Variants in SYT1 observed in about 807,000 individuals in gnomAD.
The protein encoded by SYT1 is synaptotagmin 1.
In SYT1, 8 loss-of-function variants were observed where a neutral mutation model predicts 44.8. The observed-to-expected ratio is 0.18, with a 90% CI of 0.10 to 0.32. The LOEUF is 0.32. Among genes scored for constraint, SYT1 ranks in the 10% least tolerant of loss-of-function variants. SYT1 has a pLI of 1.00. For synonymous variants in SYT1, 154 were observed against 188.8 expected, an observed-to-expected ratio of 0.82 and a Z score of 1.51; for missense variants, 286 against 509.3, an observed-to-expected ratio of 0.56 and a Z score of 4.22.
At chr12:79,216,572 G>A (rs1874819054) in intron 3 of SYT1, among the ~76,000 whole-genome samples, 1 of 152,134 alleles carries the variant, frequency 6.6e-6, no homozygotes, top group Non-Finnish European at 1.5e-5. Context: ...TTCAGAAGGT[G>A]GATAAATTAG....
chr12:78,998,549 T>C (rs1358471586), intron 2 of SYT1, among the ~76,000 whole-genome samples: 1 of 152,176 alleles, frequency 6.6e-6, no homozygotes, highest in Non-Finnish European at 1.5e-5. Context: ...GCTGAAAGGA[T>C]ATTAAATCAT....
chr12:79,080,747 A>G (rs1461070528), intron 3 of SYT1, among the ~76,000 whole-genome samples: 1 of 152,198 alleles, frequency 6.6e-6, no homozygotes, highest in Non-Finnish European at 1.5e-5. Flanking sequence ...CCAAGTCCAC[A>G]AGCCATCTAC....
At chr12:79,137,555 T>G (rs1869280744) in intron 3 of SYT1, among the ~76,000 whole-genome samples, 1 of 152,208 alleles carries the variant, frequency 6.6e-6, no homozygotes, top group Non-Finnish European at 1.5e-5. Flanking sequence ...CAAATGATTT[T>G]CTAAAACCAA....
chr12:79,153,852 A>G (rs1870428051), intron 3 of SYT1, among the ~76,000 whole-genome samples: 1 of 152,144 alleles, frequency 6.6e-6, no homozygotes, highest in Non-Finnish European at 1.5e-5. Context: ...AATAAAATCA[A>G]GTTGAATGTT....
At chr12:79,233,352 A>G (rs978393145) in intron 4 of SYT1, among the ~76,000 whole-genome samples, 2 of 152,266 alleles carry the variant, frequency 1.3e-5, no homozygotes, top group African/African-American at 4.8e-5. Flanking sequence ...TCACTGAGAC[A>G]GTTCAAAAGA....
intron 1 of SYT1, among the ~76,000 whole-genome samples, chr12:78,962,382 G>A (rs1050789734): frequency 7.5e-6 from 1 of 133,826 alleles, no homozygotes; most frequent in African/African-American, 2.9e-5. Context: ...GCATCACTTC[G>A]TGGGTCACGT....
intron 3 of SYT1, among the ~76,000 whole-genome samples, chr12:79,089,245 G>C (rs948448517): frequency 6.6e-6 from 1 of 151,918 alleles, no homozygotes. Context: ...AAACAATCAG[G>C]GTTTAGAAGG....
chr12:79,403,530 A>G (rs552053362), intron 9 of SYT1, among the ~76,000 whole-genome samples: 3 of 152,288 alleles, frequency 2.0e-5, no homozygotes, highest in Admixed American at 2.0e-4. Flanking sequence ...CTTTAAAGAC[A>G]TTGTCTCCAA....
chr12:79,190,512 A>C (rs1237704108), intron 3 of SYT1, among the ~76,000 whole-genome samples: 2 of 152,162 alleles, frequency 1.3e-5, no homozygotes, highest in Non-Finnish European at 2.9e-5. Context: ...GCTGGCGAAA[A>C]GTATGACTTT....
chr12:79,040,326 G>A (rs1181174202), intron 2 of SYT1, among the ~76,000 whole-genome samples: 1 of 152,096 alleles, frequency 6.6e-6, no homozygotes, highest in Admixed American at 6.5e-5. Context: ...TAACTGGTGT[G>A]AGATGGTATC....
intron 8 of SYT1, among the ~76,000 whole-genome samples, chr12:79,320,575 G>T (rs1189795995): frequency 6.6e-6 from 1 of 151,630 alleles, no homozygotes; most frequent in East Asian, 1.9e-4. Flanking sequence ...CGTCATATCA[G>T]CTGGTGCTAT....
chr12:79,269,811 A>T (rs1878326752), intron 4 of SYT1, among the ~76,000 whole-genome samples: 1 of 152,208 alleles, frequency 6.6e-6, no homozygotes, highest in Non-Finnish European at 1.5e-5. Flanking sequence ...TAGAACTATC[A>T]TTCTAAAGGA....
chr12:79,196,773 A>G (rs939140257), intron 3 of SYT1, among the ~76,000 whole-genome samples: 1 of 152,222 alleles, frequency 6.6e-6, no homozygotes, highest in Non-Finnish European at 1.5e-5. Context: ...GAGTCAATCA[A>G]TTAGGGAAAC....
chr12:78,890,112 T>C (rs1874968121), intron 1 of SYT1, among the ~76,000 whole-genome samples: 1 of 151,520 alleles, frequency 6.6e-6, no homozygotes, highest in African/African-American at 2.4e-5. Context: ...ACCTCAAAAA[T>C]AATATTTTTT....
chr12:79,271,998 C>A (rs942631591), intron 4 of SYT1, among the ~76,000 whole-genome samples: 6 of 152,014 alleles, frequency 3.9e-5, no homozygotes, highest in Non-Finnish European at 7.4e-5. Flanking sequence ...ATATTTCTAC[C>A]AATGGGGAGC....
At chr12:79,155,595 T>C (rs1870545633) in intron 3 of SYT1, among the ~76,000 whole-genome samples, 1 of 152,244 alleles carries the variant, frequency 6.6e-6, no homozygotes, top group African/African-American at 2.4e-5. Context: ...AGATTCACAG[T>C]GATGTCCCTA....
chr12:78,913,258 T>C (rs1396301029), intron 1 of SYT1, among the ~76,000 whole-genome samples: 1 of 151,512 alleles, frequency 6.6e-6, no homozygotes, highest in East Asian at 2.0e-4. Flanking sequence ...TCTACACTCA[T>C]TGTAAAATCT....
chr12:79,259,523 A>G (rs1877713897), intron 4 of SYT1, among the ~76,000 whole-genome samples: 2 of 152,198 alleles, frequency 1.3e-5, no homozygotes, highest in Admixed American at 1.3e-4. Flanking sequence ...GCTTGAGCCC[A>G]GGAGTTCAAG....
chr12:79,109,943 A>C (rs1413064602), intron 3 of SYT1, among the ~76,000 whole-genome samples: 1 of 152,220 alleles, frequency 6.6e-6, no homozygotes, highest in Non-Finnish European at 1.5e-5. Flanking sequence ...CTGCCAAAGA[A>C]TCTCAGATGA....
Sources: allele counts gnomAD v4.1 joint callset (sites outside exome capture counted in the v4.1 genomes callset), GRCh38; gene constraint gnomAD v4.1.1; transcripts MANE v1.5; gene names NCBI Gene and HGNC (gene_info 2026-07-23, HGNC 2026-07-21).